SYT7: variants seen among roughly 807,000 people sequenced by gnomAD.
The protein encoded by SYT7 is synaptotagmin 7, also known as synaptotagmin-7.
A neutral mutation model predicts 75.1 loss-of-function variants in SYT7; 29 were observed. The observed-to-expected ratio is 0.39, with a 90% CI of 0.29 to 0.53. The LOEUF is 0.53. SYT7 is among the 20% of genes least tolerant of loss of function. The pLI is 0.77. For synonymous variants in SYT7, 376 were observed against 401.7 expected, an observed-to-expected ratio of 0.94 and a Z score of 0.76; for missense variants, 693 against 953.2, an observed-to-expected ratio of 0.73 and a Z score of 3.59.
intron 5 of SYT7, among the ~76,000 whole-genome samples, chr11:61,544,746 G>A (rs776743111): frequency 3.9e-5 from 6 of 152,226 alleles, no homozygotes; most frequent in Non-Finnish European, 8.8e-5. Flanking sequence ...GAGACTGGCC[G>A]GGGCAGGCTG....
In SYT7 at chr11:61,523,847, A is replaced by G; in HGVS notation, c.1736T>C (p.Met579Thr). ...NIIKARNLKA[M>T]DIGGTSDPYV... ...CGTACCTGATGTGCCCCCGATGTCCATGGCTTTGAGGTTCCGGGCTTTGAT... is the reference window on the plus strand; with the variant it reads ...CGTACCTGATGTGCCCCCGATGTCCGTGGCTTTGAGGTTCCGGGCTTTGAT... Residue 579 changes from methionine (M) to threonine (T), a missense_variant, in exon 11 of 13, where the codon ATG (methionine) becomes ACG (threonine). Physicochemically the swap from Met to Thr is moderately conservative, Grantham distance 81. Coordinates refer to ENST00000539008, the MANE Select transcript of SYT7 (RefSeq NM_001365809.2). This position sits in a 1 kb window ranked among gnomAD's most constrained non-coding sequence, Gnocchi z 5.0. The G allele has an allele frequency of 6.2e-7, 1 of 1,613,928 alleles. No homozygotes were observed. Among genetic ancestry groups the G allele is most frequent in the Non-Finnish European group, 8.5e-7 (1 of 1,179,928 alleles).
chr11:61,574,525 G>A (rs915554198), intron 1 of SYT7, among the ~76,000 whole-genome samples: 8 of 152,076 alleles, frequency 5.3e-5, no homozygotes, highest in African/African-American at 7.3e-5. Flanking sequence ...GACCTGAGAC[G>A]GGATTCCTTA....
intron 9 of SYT7, among the ~76,000 whole-genome samples, chr11:61,526,798 C>T (rs1476486881): frequency 1.3e-5 from 2 of 152,194 alleles, no homozygotes; most frequent in African/African-American, 4.8e-5. Context: ...TCCAGAAACA[C>T]ATGGACACTC....
At chr11:61,549,353 C>T (rs1175777153) in intron 3 of SYT7, among the ~76,000 whole-genome samples, 1 of 152,202 alleles carries the variant, frequency 6.6e-6, no homozygotes, top group Non-Finnish European at 1.5e-5. Context: ...TTAACGTGCC[C>T]ATGAATATCA....
chr11:61,586,816 G>A, the SYT7 span, among the ~76,000 whole-genome samples: 4 of 152,172 alleles, frequency 2.6e-5, 1 homozygote, highest in South Asian at 8.3e-4. Flanking sequence ...TGGGTTGCTG[G>A]TCTATCCACA....
Position 61,580,198 on chromosome 11 carries a change from T to C in SYT7, c.31+592A>G, listed in dbSNP as rs569773012. Among the ~76,000 whole-genome samples the C allele has an allele frequency of 1.4e-5, 2 of 140,526 alleles. No homozygotes were observed. The highest frequency in any genetic ancestry group is 2.7e-5 in the African/African-American group (1 of 36,882). 92.2% of individuals were successfully genotyped at this position (140,526 alleles called of 152,430 possible). A position where few individuals can be genotyped will look rare whatever the true frequency, so the allele number is the denominator to read the frequency against. On this transcript the variant is annotated intron_variant, in intron 1 of 12. Transcript: ENST00000539008. This position sits in a 1 kb window ranked among gnomAD's most constrained non-coding sequence, Gnocchi z 6.1. ...TGGCACCCCCATTCTCATGAGCCCCTGCTCTCTTTCCCTTCAGGCACCCCC... is the reference window on the plus strand; with the variant it reads ...TGGCACCCCCATTCTCATGAGCCCCCGCTCTCTTTCCCTTCAGGCACCCCC...
rs542432488 is a variant in SYT7, at chr11:61,564,089, AC to A, written c.32-7883del. On this transcript the variant is annotated intron_variant, in intron 1 of 12. Transcript: ENST00000539008. ...CCCCCTTTTCTTGGGGATAGACTTGACCCCCACAAGCAGGGGCAACAGGATA... is the reference window on the plus strand; with the variant it reads ...CCCCCTTTTCTTGGGGATAGACTTGACCCCACAAGCAGGGGCAACAGGATA... 3.3e-5 allele frequency among the ~76,000 whole-genome samples: 5 copies of A among 152,026 alleles called. No homozygotes were observed. In the South Asian group the frequency reaches 1.0e-3, roughly 32 times the overall value.
At position 61,576,805 on chromosome 11, in the gene SYT7, C is replaced by T. The variant is rs376919953; in HGVS notation, c.31+3985G>A. Among the ~76,000 whole-genome samples, 80 of 152,218 alleles carry T rather than the reference C, an allele frequency of 5.3e-4. No homozygotes were observed. The highest frequency in any genetic ancestry group is 6.8e-3 in the Middle Eastern group (2 of 294). The stretch of plus-strand genomic sequence containing the variant: ...GTTCCACACAACATCCTGCAATGGC[C>T]GGGCTAGAGGGTGTAACAAGGAGAC... On this transcript the variant is annotated intron_variant, in intron 1 of 12. Transcript: ENST00000539008. The surrounding 1 kb of genome is among the most constrained non-coding windows in gnomAD (Gnocchi z 4.1).
At position 61,516,728 on chromosome 11, in the gene SYT7, A is replaced by G. The variant is rs2062156911; in HGVS notation, c.*1899T>C. The G allele has an allele frequency of 6.6e-6, 1 of 152,274 alleles. No homozygotes were observed. The highest frequency in any genetic ancestry group is 2.1e-4 in the South Asian group (1 of 4,834). The allele number at this position is 152,274 out of a possible 1,614,324, so 9.4% of individuals were successfully genotyped here. A position where few individuals can be genotyped will look rare whatever the true frequency, so the allele number is the denominator to read the frequency against. Reference sequence around the variant, plus strand: ...ACCCCATTTTAAGCAAAGCTACAATATAGAAACATTTGGATTTACAAGGAA... The same window carrying G: ...ACCCCATTTTAAGCAAAGCTACAATGTAGAAACATTTGGATTTACAAGGAA... On this transcript the variant is annotated 3_prime_UTR_variant, in exon 13 of 13. Transcript: ENST00000539008. This position sits in a 1 kb window ranked among gnomAD's most constrained non-coding sequence, Gnocchi z 4.6.
Position 61,528,963 on chromosome 11 carries a change from A to G in SYT7, c.1201-778T>C, listed in dbSNP as rs75011363. On this transcript the variant is annotated intron_variant, in intron 8 of 12. Coordinates refer to ENST00000539008, the MANE Select transcript of SYT7 (RefSeq NM_001365809.2). ...ACAGTCACACAGAGGCAGGGTGAGCATCTCATCCCGTTCTGACATTGAACC... is the reference window on the plus strand; with the variant it reads ...ACAGTCACACAGAGGCAGGGTGAGCGTCTCATCCCGTTCTGACATTGAACC... Among the ~76,000 whole-genome samples, 578 of 152,270 alleles carry G rather than the reference A, an allele frequency of 3.8e-3. 5 individuals carry two copies. The highest frequency in any genetic ancestry group is 0.031 in the East Asian group (159 of 5,180).
intron 6 of SYT7, chr11:61,539,502 G>C (rs1290703046): frequency 6.6e-6 from 1 of 152,164 alleles, no homozygotes; most frequent in Non-Finnish European, 1.5e-5. Flanking sequence ...CAAAAGGAGA[G>C]GGAGGGGTTC....
intron 7 of SYT7, among the ~76,000 whole-genome samples, chr11:61,534,065 A>G (rs2135162069): frequency 1.3e-5 from 2 of 152,312 alleles, no homozygotes; most frequent in South Asian, 4.1e-4. Context: ...GGAAGGGGGC[A>G]CTAAAAGCCT....
rs929125598 is a variant in SYT7 at position 61,515,531 on chromosome 11, TTTTTG to T, written c.*3091_*3095del. On this transcript the variant is annotated 3_prime_UTR_variant, in exon 13 of 13. Transcript: ENST00000539008. ...AAATTTTTTTTTTTGTGATGGTGGG[TTTTTG>T]TTTTATTTTTTATAAAACACTTGCA... 4 of 149,820 alleles carry T rather than the reference TTTTTG, an allele frequency of 2.7e-5. No homozygotes were observed. In the East Asian group the frequency reaches 6.0e-4, roughly 23 times the overall value. 9.3% of individuals were successfully genotyped at this position (149,820 alleles called of 1,614,324 possible). A position where few individuals can be genotyped will look rare whatever the true frequency, so the allele number is the denominator to read the frequency against.
intron 3 of SYT7, among the ~76,000 whole-genome samples, chr11:61,548,592 G>A (rs2063257740): frequency 6.6e-6 from 1 of 152,194 alleles, no homozygotes; most frequent in Admixed American, 6.5e-5. Context: ...GCGCTGGGGT[G>A]GGCCTGGGGA....
In SYT7 at chr11:61,524,188, A is replaced by G. The variant is rs1433323908; in HGVS notation, c.1641+175T>C. ...CTTACAGATCGGGTGAGTCCCCCCA[A>G]GTGCCAAGCACCAATGTTCTGACTG... On this transcript the variant is annotated intron_variant, in intron 10 of 12. Coordinates refer to ENST00000539008, the MANE Select transcript of SYT7 (RefSeq NM_001365809.2). This position sits in a 1 kb window ranked among gnomAD's most constrained non-coding sequence, Gnocchi z 4.1. Among the ~76,000 whole-genome samples the G allele has an allele frequency of 4.6e-5, 7 of 152,162 alleles. No individual in the cohort carries two copies. The highest frequency in any genetic ancestry group is 1.0e-4 in the Non-Finnish European group (7 of 68,014).
chr11:61,513,795 G>A lies in SYT7; in HGVS notation c.*4832C>T, dbSNP rs1383724979. Among the ~76,000 whole-genome samples, 1 of 152,194 alleles carries A rather than the reference G, an allele frequency of 6.6e-6. No homozygotes were observed. Among genetic ancestry groups the A allele is most frequent in the Admixed American group, 6.5e-5 (1 of 15,288 alleles). ...TATGCAGACAGGGATCCCTGCCCAG[G>A]GGGCTCACAATCTACACAAGACACG... On this transcript the variant is annotated 3_prime_UTR_variant, in exon 13 of 13. Transcript: ENST00000539008.
At position 61,564,035 on chromosome 11, in the gene SYT7, A is replaced by G. The variant is rs537982476; in HGVS notation, c.32-7828T>C. ...ACTCATAGCAGTCTCTTCCTTCTCC[A>G]AACTTGAATTAATGGATCCATTTGT... On this transcript the variant is annotated intron_variant, in intron 1 of 12. Transcript: ENST00000539008. Among the ~76,000 whole-genome samples, 5 of 152,186 alleles carry G rather than the reference A, an allele frequency of 3.3e-5. No individual in the cohort carries two copies. In the South Asian group the frequency reaches 1.0e-3, roughly 32 times the overall value.
At position 61,572,119 on chromosome 11, in the gene SYT7, G is replaced by C. The variant is rs530325010; in HGVS notation, c.31+8671C>G. Among the ~76,000 whole-genome samples the C allele has an allele frequency of 5.6e-3, 853 of 151,162 alleles. 10 individuals are homozygous for C. The highest frequency in any genetic ancestry group is 7.0e-3 in the Non-Finnish European group (473 of 67,174). On this transcript the variant is annotated intron_variant, in intron 1 of 12. Transcript: ENST00000539008. ...GCTGGAGAGGGAGGAATGAGGTTGG[G>C]GGGGGGGCACACAGACAATTCATCA...
In SYT7 at chr11:61,524,581, C is replaced by A. The variant is rs368951190; in HGVS notation, c.1472-49G>T. The A allele has an allele frequency of 3.3e-6, 5 of 1,516,108 alleles. No homozygotes were observed. In the African/African-American group the frequency reaches 4.2e-5, roughly 13 times the overall value. 93.9% of individuals were successfully genotyped at this position (1,516,108 alleles called of 1,614,324 possible). The stretch of plus-strand genomic sequence containing the variant: ...TGAAGAGGGGGACAGAGGGGCTGCA[C>A]GGGGCCCGGGAGGCAAGGAAGGCCC... On this transcript the variant is annotated intron_variant, in intron 9 of 12. Coordinates refer to ENST00000539008, the MANE Select transcript of SYT7 (RefSeq NM_001365809.2). The surrounding 1 kb of genome is among the most constrained non-coding windows in gnomAD (Gnocchi z 4.1).
Sources: gnomAD v4.1 joint callset for allele counts (sites outside exome capture counted in the v4.1 genomes callset) on GRCh38, gnomAD v4.1.1 for gene constraint, Gnocchi (gnomAD v3.1) non-coding constraint, MANE v1.5 for transcripts, NCBI Gene and HGNC (gene_info 2026-07-23, HGNC 2026-07-21) for gene names.